SLC9A9: variants seen among roughly 807,000 people sequenced by gnomAD.
The protein encoded by SLC9A9 is sodium/hydrogen exchanger 9.
SLC9A9 carries 62 observed loss-of-function variants against 77.8 expected under a neutral mutation model. That is an observed-to-expected ratio of 0.80 (90% confidence interval 0.65 to 0.98). The LOEUF is 0.98. SLC9A9 is among the 50% of genes least tolerant of loss of function. The probability of loss-of-function intolerance (pLI) is 0.00; values close to 1 mark genes in which losing one functional copy is unlikely to be tolerated. For missense variants in SLC9A9, 775 were observed against 774.9 expected (o/e 1.00, Z 0.00); for synonymous variants, 320 against 283.5 (o/e 1.13, Z -1.29).
intron 2 of SLC9A9, chr3:143,811,735 G>A (rs1273906481): frequency 1.5e-5 from 7 of 454,756 alleles, no homozygotes; most frequent in Middle Eastern, 4.1e-4. Context: ...AGTGGCACAC[G>A]CCTGTAATCC....
At chr3:143,727,754 T>C (rs1001355995) in intron 4 of SLC9A9, among the ~76,000 whole-genome samples, 39 of 152,240 alleles carry the variant, frequency 2.6e-4, no homozygotes, top group Non-Finnish European at 5.4e-4. Flanking sequence ...CCCTCATAGA[T>C]GAAGAAAATG....
rs192413357 is a variant in SLC9A9 at position 143,372,427 on chromosome 3, A to G, written c.1525-8864T>C. On this transcript the variant is annotated intron_variant, in intron 13 of 15. Transcript: ENST00000316549. ...AAATTGGATAGCCACATGTAGAAGAATGAAAGTGAACCTCTTTCTCTCTCA... is the reference window on the plus strand; with the variant it reads ...AAATTGGATAGCCACATGTAGAAGAGTGAAAGTGAACCTCTTTCTCTCTCA... Among the ~76,000 whole-genome samples the G allele has an allele frequency of 1.0e-3, 159 of 152,228 alleles. 1 individual carries two copies. The highest frequency in any genetic ancestry group is 3.1e-3 in the Admixed American group (47 of 15,294).
Position 143,397,296 on chromosome 3 carries a change from C to T in SLC9A9, c.1470-15182G>A, listed in dbSNP as rs113806272. 2.7e-3 allele frequency among the ~76,000 whole-genome samples: 407 copies of T among 152,356 alleles called. 1 individual carries two copies. The highest frequency in any genetic ancestry group is 9.3e-3 in the African/African-American group (387 of 41,594). On this transcript the variant is annotated intron_variant, in intron 12 of 15. Coordinates refer to ENST00000316549, the MANE Select transcript of SLC9A9 (RefSeq NM_173653.4). ...TAGGGATTTATCAGAGTCAAATGCACATCCCCAGAAAAGCTATCCTTTCAA... is the reference window on the plus strand; with the variant it reads ...TAGGGATTTATCAGAGTCAAATGCATATCCCCAGAAAAGCTATCCTTTCAA...
chr3:143,627,752 A>G (rs1487120424), intron 6 of SLC9A9: 2 of 153,188 alleles, frequency 1.3e-5, no homozygotes, highest in Non-Finnish European at 2.9e-5. Flanking sequence ...TGTTGCTGTC[A>G]TTTCCTACTG....
intron 12 of SLC9A9, among the ~76,000 whole-genome samples, chr3:143,396,933 G>A (rs2033744371): frequency 6.6e-6 from 1 of 152,144 alleles, no homozygotes; most frequent in Admixed American, 6.5e-5. Context: ...ATTTTGGAGT[G>A]TATAAGTATG....
chr3:143,439,197 C>G (rs1197568154), intron 12 of SLC9A9, among the ~76,000 whole-genome samples: 2 of 152,178 alleles, frequency 1.3e-5, no homozygotes, highest in African/African-American at 4.8e-5. Context: ...TGTTAATCCT[C>G]CTCAGTGACC....
At chr3:143,442,861 T>A (rs1031080098) in intron 12 of SLC9A9, among the ~76,000 whole-genome samples, 4 of 152,112 alleles carry the variant, frequency 2.6e-5, no homozygotes, top group African/African-American at 9.7e-5. Context: ...GAGGACATGA[T>A]GTTGTGTAAG....
intron 5 of SLC9A9, among the ~76,000 whole-genome samples, chr3:143,681,264 AT>A (rs1933080871): frequency 6.6e-6 from 1 of 152,104 alleles, no homozygotes; most frequent in African/African-American, 2.4e-5. Context: ...TTGGTATTAG[AT>A]TTTGGTAAAT....
intron 12 of SLC9A9, among the ~76,000 whole-genome samples, chr3:143,449,840 A>T (rs370359365): frequency 1.1e-4 from 7 of 63,620 alleles, no homozygotes; most frequent in Non-Finnish European, 1.5e-4. Context: ...AATTATATGT[A>T]TTATATATAT....
intron 14 of SLC9A9, among the ~76,000 whole-genome samples, chr3:143,331,576 G>T (rs1407127293): frequency 6.6e-6 from 1 of 152,148 alleles, no homozygotes; most frequent in Non-Finnish European, 1.5e-5. Flanking sequence ...AGATTACTGT[G>T]CCATATGGGT....
intron 6 of SLC9A9, among the ~76,000 whole-genome samples, chr3:143,584,996 T>G (rs1388406299): frequency 6.6e-6 from 1 of 152,204 alleles, no homozygotes. Context: ...CTCCTCTTTA[T>G]GGGCGTAACT....
intron 4 of SLC9A9, among the ~76,000 whole-genome samples, chr3:143,708,237 C>T (rs1934045778): frequency 6.6e-6 from 1 of 152,134 alleles, no homozygotes; most frequent in African/African-American, 2.4e-5. Context: ...CATACCAGCC[C>T]ATTCAGTTTG....
chr3:143,727,095 C>T (rs1354858846), intron 4 of SLC9A9, among the ~76,000 whole-genome samples: 1 of 152,054 alleles, frequency 6.6e-6, no homozygotes, highest in South Asian at 2.1e-4. Context: ...TGATAAAAGC[C>T]TAAGTAGCAC....
chr3:143,467,874 A>G (rs1365680985), intron 11 of SLC9A9, among the ~76,000 whole-genome samples: 3 of 152,194 alleles, frequency 2.0e-5, no homozygotes, highest in Non-Finnish European at 2.9e-5. Flanking sequence ...ATTCTCTGTT[A>G]GGATGATTTT....
intron 12 of SLC9A9, among the ~76,000 whole-genome samples, chr3:143,401,417 C>T (rs1262745792): frequency 6.6e-6 from 1 of 152,168 alleles, no homozygotes; most frequent in East Asian, 1.9e-4. Flanking sequence ...TGCTAAGTTC[C>T]TTTAATTTAC....
chr3:143,661,318 T>A lies in SLC9A9; in HGVS notation c.650-8958A>T, dbSNP rs114207275. Reference sequence around the variant, plus strand: ...ATTAGAAAAGACAGCAACCTACTTATGAAACTGGTAAAACTTAACAAGAAC... The same window carrying A: ...ATTAGAAAAGACAGCAACCTACTTAAGAAACTGGTAAAACTTAACAAGAAC... On this transcript the variant is annotated intron_variant, in intron 5 of 15. Transcript: ENST00000316549. 4.8e-3 allele frequency among the ~76,000 whole-genome samples: 738 copies of A among 152,174 alleles called. 4 individuals carry two copies. Among genetic ancestry groups the A allele is most frequent in the African/African-American group, 0.015 (612 of 41,434 alleles).
intron 12 of SLC9A9, among the ~76,000 whole-genome samples, chr3:143,408,205 C>G (rs1012977164): frequency 2.6e-5 from 4 of 152,142 alleles, no homozygotes; most frequent in East Asian, 3.8e-4. Flanking sequence ...TAGAATCTGG[C>G]TGGGGGATGT....
At chr3:143,375,621 A>G (rs566628403) in intron 13 of SLC9A9, among the ~76,000 whole-genome samples, 2 of 152,300 alleles carry the variant, frequency 1.3e-5, no homozygotes, top group East Asian at 3.9e-4. Flanking sequence ...AGATCAGCTG[A>G]CAGCTCTCCA....
chr3:143,557,168 A>T (rs1294097937), intron 8 of SLC9A9, among the ~76,000 whole-genome samples: 2 of 152,010 alleles, frequency 1.3e-5, no homozygotes, highest in African/African-American at 4.8e-5. Flanking sequence ...GGAGGGTTTT[A>T]CATGTGTCTG....
Sources: gnomAD v4.1 joint callset for allele counts (sites outside exome capture counted in the v4.1 genomes callset) on GRCh38, gnomAD v4.1.1 for gene constraint, MANE v1.5 for transcripts, NCBI Gene and HGNC (gene_info 2026-07-23, HGNC 2026-07-21) for gene names.